The following NFASC variants were observed in gnomAD, a reference collection of about 807,000 sequenced individuals.
NFASC encodes the protein neurofascin homolog.
Under a neutral mutation model 147.5 loss-of-function variants are expected in NFASC, and 43 were observed. The observed-to-expected ratio is 0.29, with a 90% confidence interval of 0.23 to 0.38. The LOEUF is 0.38. Among genes scored for constraint, NFASC ranks in the 10% least tolerant of loss-of-function variants. NFASC has a pLI of 1.00. For synonymous variants in NFASC, 622 were observed against 665.5 expected, an observed-to-expected ratio of 0.93 and a Z score of 1.01; for missense variants, 1,320 against 1,689.0, an observed-to-expected ratio of 0.78 and a Z score of 3.83.
chr1:204,874,196 C>T (rs1358485817), intron 1 of NFASC, among the ~76,000 whole-genome samples: 2 of 152,186 alleles, frequency 1.3e-5, no homozygotes, highest in Non-Finnish European at 2.9e-5. Flanking sequence ...GGGGGACAGG[C>T]CCATGTTGGA....
chr1:204,991,388 G>T, intron 24 of NFASC, 82 bp downstream of exon 24: 1 of 1,443,362 alleles, frequency 6.9e-7, no homozygotes. Flanking sequence ...GGACAAGGAG[G>T]GAGAGGCTCA....
At chr1:205,000,790 G>A (rs968468370) in intron 25 of NFASC, 23 of 269,736 alleles carry the variant, frequency 8.5e-5, no homozygotes, top group Non-Finnish European at 1.5e-4. Context: ...TCGCACCACT[G>A]TACTCCAGCT....
chr1:205,010,199 G>C lies in NFASC; in HGVS notation c.3421+511G>C, dbSNP rs2096226543. Reference sequence around the variant, plus strand: ...AATACCACTAGCAAGGGTCAGAAGCGAGGAGCAGGGAGAGGCTGAAGATGG... The same window carrying C: ...AATACCACTAGCAAGGGTCAGAAGCCAGGAGCAGGGAGAGGCTGAAGATGG... On this transcript the variant is annotated intron_variant, in intron 28 of 29. Transcript: ENST00000339876. This position sits in a 1 kb window ranked among gnomAD's most constrained non-coding sequence, Gnocchi z 4.1. 1 of 158,716 alleles carries C rather than the reference G, an allele frequency of 6.3e-6. No homozygotes were observed. Among genetic ancestry groups the C allele is most frequent in the Non-Finnish European group, 1.4e-5 (1 of 71,664 alleles). 9.8% of individuals were successfully genotyped at this position (158,716 alleles called of 1,614,324 possible).
chr1:204,966,587 G>A (rs2094961490), intron 8 of NFASC, among the ~76,000 whole-genome samples: 1 of 152,214 alleles, frequency 6.6e-6, no homozygotes, highest in Non-Finnish European at 1.5e-5. Context: ...TGCTACAAGA[G>A]TTATAGACAT....
intron 27 of NFASC, 112 bp from the exon 28 acceptor site, chr1:205,009,443 TAG>T (rs893957234): frequency 8.6e-7 from 1 of 1,168,302 alleles, no homozygotes; most frequent in Non-Finnish European, 1.3e-6. Flanking sequence ...GTGGTAGTGT[TAG>T]GCTCCAGGAG....
chr1:204,966,302 T>C (rs1403034219), intron 8 of NFASC, among the ~76,000 whole-genome samples: 2 of 152,144 alleles, frequency 1.3e-5, no homozygotes. Context: ...TGTCGCGCGT[T>C]ATGGTGTAAA....
chr1:204,966,338 G>T (rs531739519), intron 8 of NFASC, among the ~76,000 whole-genome samples: 12 of 152,238 alleles, frequency 7.9e-5, no homozygotes, highest in African/African-American at 2.9e-4. Flanking sequence ...GTCACAGATT[G>T]GTTTCTGCAG....
At position 204,885,994 on chromosome 1, in the gene NFASC, C is replaced by G. The variant is rs12026288; in HGVS notation, c.-199-34638C>G. On this transcript the variant is annotated intron_variant, in intron 1 of 29. Coordinates refer to ENST00000339876, the MANE Select transcript of NFASC (RefSeq NM_001005388.3). ...CCGAAACACGTCTGAGCTATGCTTT[C>G]GAAATCGCTTTCGAGGCTGCAGCAC... is the stretch of plus-strand genomic sequence containing the variant. 7.4e-4 allele frequency among the ~76,000 whole-genome samples: 113 copies of G among 152,286 alleles called. 1 individual carries two copies. Among genetic ancestry groups the G allele is most frequent in the South Asian group, 4.1e-3 (20 of 4,824 alleles).
In NFASC at chr1:204,980,445, G is replaced by A. The variant is rs2095489545; in HGVS notation, c.2247+5G>A. On this transcript the variant is annotated splice_donor_5th_base_variant and intron_variant, in intron 20 of 29. Transcript: ENST00000339876. The stretch of plus-strand genomic sequence containing the variant: ...AACATGGAGATCACGTGGACGGTAA[G>A]AGGCCCTCCCAGCCCCAGTGGAGCA... 6.2e-7 allele frequency: 1 copy of A among 1,609,922 alleles called. No homozygotes were observed.
At chr1:204,999,465 G>A (rs1285384017) in intron 25 of NFASC, 1 of 152,174 alleles carries the variant, frequency 6.6e-6, no homozygotes, top group Non-Finnish European at 1.5e-5. Context: ...GCTCAGAGCT[G>A]AGGAGGAAGA....
chr1:204,986,219 C>T lies in NFASC; in HGVS notation c.2471-1199C>T. ...GCTCAGCATGGATGGCACAAGGTGA[C>T]TTCTGCGAGGCCTCCAGGAGCGGAT... On this transcript the variant is annotated intron_variant, in intron 21 of 29. Coordinates refer to ENST00000339876, the MANE Select transcript of NFASC (RefSeq NM_001005388.3). This position sits in a 1 kb window ranked among gnomAD's most constrained non-coding sequence, Gnocchi z 4.2. The T allele has an allele frequency of 1.2e-6, 1 of 801,966 alleles. No homozygotes were observed. The highest frequency in any genetic ancestry group is 2.1e-6 in the Non-Finnish European group (1 of 482,366). The allele number at this position is 801,966 out of a possible 1,614,324, so 49.7% of individuals were successfully genotyped here. A position where few individuals can be genotyped will look rare whatever the true frequency, so the allele number is the denominator to read the frequency against.
rs1446665554 is a variant in NFASC at position 204,987,451 on chromosome 1, A to T, written c.2504A>T (p.Gln835Leu). 6.2e-7 allele frequency: 1 copy of T among 1,613,650 alleles called. No individual in the cohort carries two copies. The highest frequency in any genetic ancestry group is 8.5e-7 in the Non-Finnish European group (1 of 1,179,978). The change falls in exon 22 of 30, where the codon CAG (glutamine) becomes CTG (leucine). Residue 835 changes from glutamine to leucine, a missense_variant. Around this residue, in one of 3 missense-constraint regions of NFASC, gnomAD observed 981 missense variants for 1,289.5 expected, o/e 0.76. Coordinates refer to ENST00000339876, the MANE Select transcript of NFASC (RefSeq NM_001005388.3). The surrounding 1 kb of genome is among the most constrained non-coding windows in gnomAD (Gnocchi z 4.4). The part of the protein sequence containing the change: ...PSAPRRFRVR[Q>L]PNLETINLEW... ...GCCCCTAGGCGTTTCCGAGTCCGGC[A>T]GCCCAACCTGGAGACAATCAACCTG...
chr1:204,920,779 G>A, intron 2 of NFASC, 39 bp downstream of exon 2: 1 of 1,021,738 alleles, frequency 9.8e-7, no homozygotes, highest in South Asian at 1.3e-5. Context: ...GTCATTGGAG[G>A]GGTGAGAATG....
intron 1 of NFASC, among the ~76,000 whole-genome samples, chr1:204,893,776 TC>T (rs2082857064): frequency 6.6e-6 from 1 of 152,216 alleles, no homozygotes; most frequent in African/African-American, 2.4e-5. Flanking sequence ...GTCAAGCTTC[TC>T]CCCCTTTGCC....
In NFASC at chr1:204,906,713, C is replaced by T. The variant is rs1194617196; in HGVS notation, c.-199-13919C>T. Among the ~76,000 whole-genome samples, 21 of 150,076 alleles carry T rather than the reference C, an allele frequency of 1.4e-4. No homozygotes were observed. The East Asian group carries it at 3.1e-3, about 22-fold the overall frequency. On this transcript the variant is annotated intron_variant, in intron 1 of 29. Transcript: ENST00000339876. ...TTTTTTTTTTTTTGAGATGGAGTCT[C>T]GCTCTGTTGCCCAGGCTGGAGTGCA...
rs1288562612 is a variant in NFASC, at chr1:204,981,801, A to G, written c.2251A>G (p.Met751Val). Residue 751 changes from methionine (M) to valine (V), a missense_variant, in exon 21 of 30, where the codon ATG becomes GTG. Coordinates refer to ENST00000339876, the MANE Select transcript of NFASC (RefSeq NM_001005388.3). ...KNNMEITWTPMNATSAFGPNL... is the reference protein window; with the variant it reads ...KNNMEITWTPVNATSAFGPNL... ...GCCTGTCTGTCCCTCTGCCCAGCCC[A>G]TGAATGCCACCTCGGCCTTTGGCCC... is the stretch of plus-strand genomic sequence containing the variant. The G allele has an allele frequency of 1.9e-6, 3 of 1,555,918 alleles. No homozygotes were observed. Among genetic ancestry groups the G allele is most frequent in the Admixed American group, 1.8e-5 (1 of 54,076 alleles).
intron 1 of NFASC, among the ~76,000 whole-genome samples, chr1:204,873,194 G>A (rs1405927694): frequency 6.6e-6 from 1 of 152,106 alleles, no homozygotes; most frequent in Admixed American, 6.5e-5. Context: ...ATTTCAGAGG[G>A]GAGCTCTCTT....
At chr1:204,948,639 C>T in intron 3 of NFASC, 1 of 519,038 alleles carries the variant, frequency 1.9e-6, no homozygotes, top group Non-Finnish European at 3.8e-6. Flanking sequence ...GCTGGTTCTC[C>T]TTCTAGCTCT....
chr1:204,980,517 G>A (rs16854859), intron 20 of NFASC, 77 bp downstream of exon 20: 78,955 of 1,065,764 alleles, frequency 0.074, 4,400 homozygotes, highest in African/African-American at 0.26. Context: ...TTGATGCCCC[G>A]ACACTACGAG....
Sources: allele counts gnomAD v4.1 joint callset (sites outside exome capture counted in the v4.1 genomes callset), GRCh38; gene constraint gnomAD v4.1.1; regional missense constraint gnomAD v4.1.1; non-coding constraint Gnocchi (gnomAD v3.1); transcripts MANE v1.5; gene names NCBI Gene and HGNC (gene_info 2026-07-23, HGNC 2026-07-21).